Variants in PPP1R1C observed in about 807,000 individuals in gnomAD.
The protein encoded by PPP1R1C is protein phosphatase 1 regulatory inhibitor subunit 1C, also known as protein phosphatase 1 regulatory subunit 1C.
Under a neutral mutation model 17.4 loss-of-function variants are expected in PPP1R1C, and 15 were observed. The observed-to-expected ratio is 0.86, with a 90% CI of 0.58 to 1.33. The LOEUF (loss-of-function observed/expected upper bound fraction) is 1.33. Among genes scored for constraint, PPP1R1C ranks in the 40% most tolerant of loss-of-function variants. The pLI is 0.00. For missense variants in PPP1R1C, 143 were observed against 130.0 expected, an observed-to-expected ratio of 1.10 and a Z score of -0.48; for synonymous variants, 35 against 43.1, an observed-to-expected ratio of 0.81 and a Z score of 0.73.
At chr2:182,021,247 G>C (rs1011631961) in intron 2 of PPP1R1C, among the ~76,000 whole-genome samples, 3 of 149,072 alleles carry the variant, frequency 2.0e-5, no homozygotes, top group African/African-American at 7.4e-5. Context: ...CCTTTGTGAA[G>C]TTTCTTTGGG....
chr2:182,037,666 G>A (rs972328949), intron 2 of PPP1R1C, among the ~76,000 whole-genome samples: 1 of 151,818 alleles, frequency 6.6e-6, no homozygotes, highest in Non-Finnish European at 1.5e-5. Flanking sequence ...AACCTATAAA[G>A]ATACAGGTGA....
intron 4 of PPP1R1C, among the ~76,000 whole-genome samples, chr2:182,074,526 A>G (rs966312493): frequency 2.4e-4 from 37 of 152,328 alleles, no homozygotes; most frequent in African/African-American, 8.4e-4. Flanking sequence ...TCCAGAATAG[A>G]TCAATTGAAA....
intron 2 of PPP1R1C, among the ~76,000 whole-genome samples, chr2:182,054,773 G>A (rs1687631378): frequency 6.6e-6 from 1 of 152,074 alleles, no homozygotes; most frequent in African/African-American, 2.4e-5. Flanking sequence ...TGACTGTCCT[G>A]CCTCAGCCTC....
At chr2:182,112,487 T>G (rs922632689) in intron 4 of PPP1R1C, among the ~76,000 whole-genome samples, 1 of 152,118 alleles carries the variant, frequency 6.6e-6, no homozygotes, top group Non-Finnish European at 1.5e-5. Context: ...TGAGTCACCA[T>G]AGTTTTCTCA....
intron 4 of PPP1R1C, among the ~76,000 whole-genome samples, chr2:182,076,707 A>C (rs1039347971): frequency 1.3e-5 from 2 of 152,172 alleles, no homozygotes; most frequent in Non-Finnish European, 2.9e-5. Context: ...TCTTCAAAAT[A>C]CTTTTCTATT....
At chr2:182,085,500 G>A (rs191618470) in intron 4 of PPP1R1C, among the ~76,000 whole-genome samples, 51 of 152,114 alleles carry the variant, frequency 3.4e-4, no homozygotes, top group South Asian at 1.2e-3. Context: ...GCCCCCATTC[G>A]AGTATGAACG....
At chr2:182,061,389 A>T (rs568678927) in intron 2 of PPP1R1C, 53 bp from the exon 3 acceptor site, 1 of 1,155,804 alleles carries the variant, frequency 8.7e-7, no homozygotes, top group South Asian at 1.5e-5. Context: ...TAATATATAT[A>T]TTACAAGAAA....
chr2:182,032,913 C>T (rs973641091), intron 2 of PPP1R1C, among the ~76,000 whole-genome samples: 1 of 152,126 alleles, frequency 6.6e-6, no homozygotes, highest in African/African-American at 2.4e-5. Flanking sequence ...TAGGCATTAC[C>T]TCATCTTCTG....
chr2:182,087,149 T>G (rs1052045639), intron 4 of PPP1R1C, among the ~76,000 whole-genome samples: 1 of 152,252 alleles, frequency 6.6e-6, no homozygotes, highest in Admixed American at 6.5e-5. Context: ...TGTCGATAGT[T>G]TTCACCTGGA....
chr2:181,981,443 G>A (rs1005606339), upstream of PPP1R1C, among the ~76,000 whole-genome samples: 1 of 152,120 alleles, frequency 6.6e-6, no homozygotes, highest in Non-Finnish European at 1.5e-5. Context: ...AAAATTGCAT[G>A]GTTGAACTTA....
chr2:182,052,201 T>C (rs938277634), intron 2 of PPP1R1C, among the ~76,000 whole-genome samples: 1 of 152,204 alleles, frequency 6.6e-6, no homozygotes, highest in African/African-American at 2.4e-5. Context: ...TGGCTCCAGG[T>C]AATTCAGGAA....
intron 2 of PPP1R1C, among the ~76,000 whole-genome samples, chr2:181,996,783 C>T (rs924395187): frequency 1.3e-5 from 2 of 152,064 alleles, no homozygotes; most frequent in East Asian, 1.9e-4. Flanking sequence ...CATATAAATA[C>T]ATATTGACTT....
intron 2 of PPP1R1C, among the ~76,000 whole-genome samples, chr2:182,020,232 T>A (rs1196185): frequency 0.77 from 117,083 of 152,142 alleles, 45,321 homozygotes; most frequent in Middle Eastern, 0.79. Flanking sequence ...TCCTGATAAG[T>A]AAGATCTGAG....
At position 181,985,938 on chromosome 2, in the gene PPP1R1C, AG is replaced by A; in HGVS notation, c.-168del. 1.6e-6 allele frequency: 1 copy of A among 620,572 alleles called. No homozygotes were observed. The highest frequency in any genetic ancestry group is 1.9e-5 in the South Asian group (1 of 52,304). 38.4% of individuals were successfully genotyped at this position (620,572 alleles called of 1,614,324 possible). A position where few individuals can be genotyped will look rare whatever the true frequency, so the allele number is the denominator to read the frequency against. On this transcript the variant is annotated 5_prime_UTR_variant, in exon 1 of 5. It removes the in-frame stop codon of an upstream open reading frame in the 5' UTR. Coordinates refer to ENST00000682840, the MANE Select transcript of PPP1R1C (RefSeq NM_001080545.3). The surrounding 1 kb of genome is among the most constrained non-coding windows in gnomAD (Gnocchi z 4.1). ...CAGGCATCACCGTGGATGTTGAAGA[AG>A]GGGGTTACTCAAACCTCGGCATCTT... is the stretch of plus-strand genomic sequence containing the variant.
intron 2 of PPP1R1C, among the ~76,000 whole-genome samples, chr2:182,026,603 G>A (rs1453077103): frequency 6.6e-6 from 1 of 151,892 alleles, no homozygotes; most frequent in Non-Finnish European, 1.5e-5. Context: ...TGCTGTTTTG[G>A]TTACTGTAGG....
intron 2 of PPP1R1C, among the ~76,000 whole-genome samples, chr2:182,057,059 A>G (rs941663604): frequency 6.6e-6 from 1 of 152,236 alleles, no homozygotes; most frequent in Non-Finnish European, 1.5e-5. Context: ...TAATTGCACT[A>G]CTATTGTAAT....
intron 2 of PPP1R1C, among the ~76,000 whole-genome samples, chr2:182,057,669 C>A (rs886232103): frequency 2.0e-5 from 3 of 152,162 alleles, no homozygotes; most frequent in African/African-American, 7.2e-5. Context: ...CAGCTTTCAA[C>A]AACTTCAACT....
chr2:182,127,758 C>T (rs549671981), intron 5 of PPP1R1C, among the ~76,000 whole-genome samples: 3 of 152,146 alleles, frequency 2.0e-5, no homozygotes, highest in Admixed American at 1.3e-4. Flanking sequence ...CACATCCCAG[C>T]TAAATTAGGG....
intron 5 of PPP1R1C, among the ~76,000 whole-genome samples, chr2:182,126,018 A>G (rs190043307): frequency 1.1e-4 from 16 of 152,164 alleles, no homozygotes; most frequent in African/African-American, 3.9e-4. Flanking sequence ...TGTCAATTTT[A>G]GATCTTTCCC....
Sources: gnomAD v4.1 joint callset for allele counts (sites outside exome capture counted in the v4.1 genomes callset) on GRCh38, gnomAD v4.1.1 for gene constraint, Gnocchi (gnomAD v3.1) non-coding constraint, MANE v1.5 for transcripts, NCBI Gene and HGNC (gene_info 2026-07-23, HGNC 2026-07-21) for gene names.